Variants in ZNF516 observed in about 807,000 individuals in gnomAD.
The protein encoded by ZNF516 is zinc finger protein 516.
In ZNF516, 19 loss-of-function variants were observed where a neutral mutation model predicts 79.7. The ratio of observed to expected loss-of-function variants is 0.24; its 90% confidence interval spans 0.17 to 0.35. The LOEUF (loss-of-function observed/expected upper bound fraction) is 0.35, where lower values mean the gene tolerates loss of function less well. ZNF516 is among the 10% of genes least tolerant of loss of function. ZNF516 has a pLI of 1.00. For synonymous variants in ZNF516, 877 were observed against 739.5 expected, an observed-to-expected ratio of 1.19 and a Z score of -3.02; for missense variants, 1,678 against 1,679.5, an observed-to-expected ratio of 1.00 and a Z score of 0.02.
Position 76,441,832 on chromosome 18 carries a change from G to T in ZNF516, c.1223C>A (p.Ala408Asp). The T allele has an allele frequency of 6.4e-7, 1 of 1,567,066 alleles. No individual in the cohort carries two copies. Among genetic ancestry groups the T allele is most frequent in the African/African-American group, 1.3e-5 (1 of 74,196 alleles). The change falls in exon 3 of 7, where the codon GCT becomes GAT. Residue 408 changes from alanine (A) to aspartate (D), a missense_variant. By Grantham distance (126) the Ala-to-Asp change is moderately radical (BLOSUM62 -2). Transcript: ENST00000443185. ...GTAGCTGTTGACCGGGTCCAGCTCAGCCACCCGCCGTCCGGCCTGCGTGCC... is the reference window on the plus strand; with the variant it reads ...GTAGCTGTTGACCGGGTCCAGCTCATCCACCCGCCGTCCGGCCTGCGTGCC... ...CPGTQAGRRV[A>D]ELDPVNSYQA...
Position 76,379,533 on chromosome 18 carries a change from C to T in ZNF516, c.2581G>A (p.Ala861Thr), listed in dbSNP as rs777017774. The T allele has an allele frequency of 2.0e-5, 33 of 1,613,636 alleles. No individual in the cohort carries two copies. The highest frequency in any genetic ancestry group is 3.3e-4 in the Middle Eastern group (2 of 6,084). Reference sequence around the variant, plus strand: ...CTCTCCTTATTCTTAGGCATGCTAGCGGCTTTTGTGACCACTCCCAGGGGA... The same window carrying T: ...CTCTCCTTATTCTTAGGCATGCTAGTGGCTTTTGTGACCACTCCCAGGGGA... ...SSPLGVVTKAASMPKNKESHS... is the reference protein window; with the variant it reads ...SSPLGVVTKATSMPKNKESHS... Residue 861 changes from alanine to threonine, a missense_variant, in exon 4 of 7, where the codon GCT becomes ACT. Around this residue, in one of 5 missense-constraint regions of ZNF516, gnomAD observed 1,294 missense variants for 1,248.3 expected, o/e 1.04. Transcript: ENST00000443185.
chr18:76,423,614 C>A (rs74604001), intron 3 of ZNF516, among the ~76,000 whole-genome samples: 1,280 of 36,388 alleles, frequency 0.035, 9 homozygotes, highest in Middle Eastern at 0.062. Context: ...CCTGAAACAC[C>A]CACACGCAGG....
At chr18:76,488,346 C>G in intron 1 of ZNF516, 1 of 740,886 alleles carries the variant, frequency 1.3e-6, no homozygotes, top group South Asian at 6.1e-5. Context: ...CAGGAAAGGC[C>G]TTTTTGCGGG....
At chr18:76,424,965 C>T (rs577390602) in intron 3 of ZNF516, among the ~76,000 whole-genome samples, 19 of 146,262 alleles carry the variant, frequency 1.3e-4, no homozygotes, top group Non-Finnish European at 2.3e-4. Flanking sequence ...GAAAAGGCTC[C>T]CCCCGAAACA....
intron 3 of ZNF516, among the ~76,000 whole-genome samples, chr18:76,424,765 C>G (rs1178785228): frequency 7.3e-6 from 1 of 136,686 alleles, no homozygotes; most frequent in Non-Finnish European, 1.5e-5. Context: ...CCAAAACACA[C>G]GCAGGTGAAA....
intron 3 of ZNF516, among the ~76,000 whole-genome samples, chr18:76,396,207 C>T (rs1207840191): frequency 6.6e-6 from 1 of 152,108 alleles, no homozygotes; most frequent in Admixed American, 6.5e-5. Flanking sequence ...CTTAGATGTT[C>T]CCTCTTATTT....
chr18:76,490,464 C>T lies in ZNF516; in HGVS notation c.-272+4680G>A, dbSNP rs1190860384. Among the ~76,000 whole-genome samples, 6 of 152,200 alleles carry T rather than the reference C, an allele frequency of 3.9e-5. No individual in the cohort carries two copies. The South Asian group carries it at 8.3e-4, about 21-fold the overall frequency. ...CTCTTTTTATTTTACACGGCAGTAG[C>T]CAGTATCCTATCAAATAACATGCAT... On this transcript the variant is annotated intron_variant, in intron 1 of 6. Transcript: ENST00000443185.
chr18:76,445,575 G>A (rs1377331985), intron 2 of ZNF516, among the ~76,000 whole-genome samples: 2 of 152,162 alleles, frequency 1.3e-5, no homozygotes, highest in Non-Finnish European at 1.5e-5. Flanking sequence ...TTACAAGTGC[G>A]AACAATCATA....
rs988657986 is a variant in ZNF516 at position 76,358,001 on chromosome 18, C to T, written c.*4497G>A. 6.6e-6 allele frequency among the ~76,000 whole-genome samples: 1 copy of T among 152,148 alleles called. No homozygotes were observed. Among genetic ancestry groups the T allele is most frequent in the South Asian group, 2.1e-4 (1 of 4,832 alleles). On this transcript the variant is annotated 3_prime_UTR_variant, in exon 7 of 7. Coordinates refer to ENST00000443185, the MANE Select transcript of ZNF516 (RefSeq NM_014643.4). Reference sequence around the variant, plus strand: ...AGTCCACAAAAGAGTTGGAAAAAAACCACTCGGGCCATCTGGGCATCTGTT... The same window carrying T: ...AGTCCACAAAAGAGTTGGAAAAAAATCACTCGGGCCATCTGGGCATCTGTT...
At chr18:76,367,683 C>T (rs538544396) in intron 6 of ZNF516, among the ~76,000 whole-genome samples, 60 of 152,336 alleles carry the variant, frequency 3.9e-4, no homozygotes, top group African/African-American at 6.0e-4. Flanking sequence ...CATGTCACAG[C>T]GCTGCCTTGC....
At chr18:76,473,681 G>A (rs1281867200) in intron 1 of ZNF516, among the ~76,000 whole-genome samples, 1 of 151,680 alleles carries the variant, frequency 6.6e-6, no homozygotes, top group Non-Finnish European at 1.5e-5. Context: ...GGCGCCTGTA[G>A]TCCCAGCTAC....
At chr18:76,395,851 G>A (rs1463006000) in intron 3 of ZNF516, among the ~76,000 whole-genome samples, 1 of 152,194 alleles carries the variant, frequency 6.6e-6, no homozygotes, top group Non-Finnish European at 1.5e-5. Context: ...CCGCCCTGCA[G>A]GAGCCAAGTG....
intron 1 of ZNF516, among the ~76,000 whole-genome samples, chr18:76,471,526 G>GT (rs1449554252): frequency 1.2e-4 from 18 of 152,288 alleles, no homozygotes; most frequent in Admixed American, 1.0e-3. Flanking sequence ...GCCTTTTCCA[G>GT]TTCAGAAGTT....
intron 3 of ZNF516, among the ~76,000 whole-genome samples, chr18:76,383,621 C>T (rs2074930502): frequency 6.6e-6 from 1 of 151,058 alleles, no homozygotes; most frequent in African/African-American, 2.4e-5. Flanking sequence ...GACCCAGGAC[C>T]CTCTTCCCCA....
chr18:76,360,646 A>AATATATATATATATAT lies in ZNF516; in HGVS notation c.*1836_*1851dup, dbSNP rs61233300. On this transcript the variant is annotated 3_prime_UTR_variant, in exon 7 of 7. Transcript: ENST00000443185. Reference sequence around the variant, plus strand: ...AAAAAAATAAGTAAAAAAAAAAAAAAATATATATATATATATATATATATA... The same window carrying AATATATATATATATAT: ...AAAAAAATAAGTAAAAAAAAAAAAAAATATATATATATATATATATATATATATATATATATATATA... 5.5e-5 allele frequency: 4 copies of AATATATATATATATAT among 72,464 alleles called. No individual in the cohort carries two copies. Among genetic ancestry groups the AATATATATATATATAT allele is most frequent in the Non-Finnish European group, 8.1e-5 (3 of 36,928 alleles). 4.5% of individuals were successfully genotyped at this position (72,464 alleles called of 1,614,324 possible).
chr18:76,399,158 G>A (rs774421892), intron 3 of ZNF516, among the ~76,000 whole-genome samples: 25 of 141,360 alleles, frequency 1.8e-4, no homozygotes, highest in Admixed American at 5.0e-4. Flanking sequence ...TGTGGTCCCC[G>A]TACATGGAAG....
chr18:76,440,073 G>A (rs1386093042), intron 3 of ZNF516, among the ~76,000 whole-genome samples: 1 of 152,224 alleles, frequency 6.6e-6, no homozygotes, highest in Non-Finnish European at 1.5e-5. Flanking sequence ...TTACTGAAAA[G>A]TCATTTATCT....
At chr18:76,438,526 T>C (rs2075774801) in intron 3 of ZNF516, among the ~76,000 whole-genome samples, 1 of 152,232 alleles carries the variant, frequency 6.6e-6, no homozygotes, top group African/African-American at 2.4e-5. Context: ...ATATTCCCAA[T>C]GACTGACTTT....
At chr18:76,482,997 C>T (rs1914616332) in intron 1 of ZNF516, among the ~76,000 whole-genome samples, 1 of 152,132 alleles carries the variant, frequency 6.6e-6, no homozygotes, top group Non-Finnish European at 1.5e-5. Flanking sequence ...TCAGTACTAT[C>T]TTCTTAAGAA....
Sources: gnomAD v4.1 joint callset for allele counts (sites outside exome capture counted in the v4.1 genomes callset) on GRCh38, gnomAD v4.1.1 for gene constraint, gnomAD v4.1.1 regional missense constraint, MANE v1.5 for transcripts, NCBI Gene and HGNC (gene_info 2026-07-23, HGNC 2026-07-21) for gene names.